SECISBP2L: variants seen among roughly 807,000 people sequenced by gnomAD.
SECISBP2L encodes the protein SECIS binding protein 2 like.
Under a neutral mutation model 114.7 loss-of-function variants are expected in SECISBP2L, and 43 were observed. That is an observed-to-expected ratio of 0.38 (90% CI 0.29 to 0.48). The LOEUF is 0.48. Ranked by LOEUF, SECISBP2L falls within the 20% of genes least tolerant of loss-of-function variation. SECISBP2L has a pLI of 0.98. For missense variants in SECISBP2L, 1,136 were observed against 1,301.1 expected, an observed-to-expected ratio of 0.87 and a Z score of 1.95; for synonymous variants, 451 against 439.7, an observed-to-expected ratio of 1.03 and a Z score of -0.32.
intron 11 of SECISBP2L, 22 bp downstream of exon 11, chr15:49,016,538 T>C (rs1469833537): frequency 3.8e-6 from 6 of 1,567,604 alleles, no homozygotes; most frequent in South Asian, 1.2e-5. Context: ...AAACAGCAAA[T>C]TGCTCAGACT....
In SECISBP2L at chr15:49,016,614, G is replaced by T; in HGVS notation, c.1507C>A (p.Gln503Lys). The change falls in exon 11 of 18, where the codon CAG becomes AAG. Residue 503 changes from glutamine to lysine, a missense_variant. Gln to Lys is a moderately conservative substitution (Grantham distance 53, BLOSUM62 1). Around this residue, in one of 2 missense-constraint regions of SECISBP2L, gnomAD observed 684 missense variants for 848.7 expected, o/e 0.81. Transcript: ENST00000559471. ...ATTTGCCGTGCTTTCATTGCTTGCT[G>T]TTGTTTTTCCAGAGCAGCTAACATG... ...GDMLAALEKQ[Q>K]QAMKARQITN... The T allele has an allele frequency of 6.2e-7, 1 of 1,610,504 alleles. No individual in the cohort carries two copies. Among genetic ancestry groups the T allele is most frequent in the African/African-American group, 1.3e-5 (1 of 74,990 alleles).
At chr15:48,993,349 G>C (rs552934326) in intron 17 of SECISBP2L, among the ~76,000 whole-genome samples, 4 of 152,250 alleles carry the variant, frequency 2.6e-5, no homozygotes, top group African/African-American at 9.6e-5. Flanking sequence ...TAAAGAAACA[G>C]GGAGGTAAAA....
chr15:49,043,608 G>GTT (rs5812473), intron 1 of SECISBP2L, among the ~76,000 whole-genome samples: 35,996 of 143,682 alleles, frequency 0.25, 4,758 homozygotes, highest in South Asian at 0.37. Context: ...CAAAATGCAA[G>GTT]TTTTTTTTTT....
In SECISBP2L at chr15:49,046,319, G is replaced by C; in HGVS notation, c.-20C>G. On this transcript the variant is annotated 5_prime_UTR_variant, in exon 1 of 18. Transcript: ENST00000559471. ...GTCCATGGTGCCTGCAGCCGCAACG[G>C]GCCCGCGCTAGTCGGTGTAAACAGC... The C allele has an allele frequency of 1.3e-6, 2 of 1,540,336 alleles. No homozygotes were observed. The highest frequency in any genetic ancestry group is 1.2e-5 in the South Asian group (1 of 83,402).
chr15:49,041,341 A>C (rs1370882487), intron 1 of SECISBP2L, among the ~76,000 whole-genome samples: 2 of 152,226 alleles, frequency 1.3e-5, no homozygotes, highest in Non-Finnish European at 2.9e-5. Flanking sequence ...ATTAAGGCAA[A>C]TGTCTATAAA....
chr15:49,032,473 C>G (rs776103291), intron 4 of SECISBP2L, among the ~76,000 whole-genome samples: 1 of 152,104 alleles, frequency 6.6e-6, no homozygotes, highest in Non-Finnish European at 1.5e-5. Context: ...TGATATTTGA[C>G]TAGTTCAAAA....
In SECISBP2L at chr15:49,017,559, A is replaced by G. The variant is rs564215200; in HGVS notation, c.1240T>C (p.Ser414Pro). 1.3e-5 allele frequency: 20 copies of G among 1,599,064 alleles called. No individual in the cohort carries two copies. In the South Asian group the frequency reaches 2.1e-4, roughly 17 times the overall value. Residue 414 changes from serine to proline, a missense_variant, in exon 9 of 18, where the codon TCT (serine) becomes CCT (proline). This residue lies in a region of SECISBP2L where 684 missense variants were observed against 848.7 expected (regional missense o/e 0.81). Coordinates refer to ENST00000559471, the MANE Select transcript of SECISBP2L (RefSeq NM_001193489.2). Reference sequence around the variant, plus strand: ...AAAGAGTTACTTACTACTTTAGAAGAAAGTTTTTGTTGAATATTCTCATCC... The same window carrying G: ...AAAGAGTTACTTACTACTTTAGAAGGAAGTTTTTGTTGAATATTCTCATCC... ...AKDENIQQKL[S>P]SKVLDDLPEN... is the part of the protein sequence containing the mutation.
At position 49,034,669 on chromosome 15, in the gene SECISBP2L, G is replaced by GTTTTTTTTTT. The variant is rs58267682; in HGVS notation, c.528+655_528+664dup. ...TTTGAAGATTGAAAGTATATCTTTT[G>GTTTTTTTTTT]TTTTTTTTTTTTTGAGACAGGGTGT... On this transcript the variant is annotated intron_variant, in intron 3 of 17. Coordinates refer to ENST00000559471, the MANE Select transcript of SECISBP2L (RefSeq NM_001193489.2). Among the ~76,000 whole-genome samples the GTTTTTTTTTT allele has an allele frequency of 2.0e-4, 27 of 132,126 alleles. 3 individuals carry two copies. Among genetic ancestry groups the GTTTTTTTTTT allele is most frequent in the Non-Finnish European group, 3.0e-4 (19 of 63,372 alleles). The allele number at this position is 132,126 out of a possible 152,430, so 86.7% of individuals were successfully genotyped here. A position where few individuals can be genotyped will look rare whatever the true frequency, so the allele number is the denominator to read the frequency against.
rs1468641563 is a variant in SECISBP2L at position 48,989,264 on chromosome 15, T to C, written c.*2980A>G. ...ATGAGTGTAGCATTCACTACTCATT[T>C]GCACATTTCAATTCCCACCCCTCCC... On this transcript the variant is annotated 3_prime_UTR_variant, in exon 18 of 18. Coordinates refer to ENST00000559471, the MANE Select transcript of SECISBP2L (RefSeq NM_001193489.2). The C allele has an allele frequency of 6.6e-6, 1 of 152,560 alleles. No individual in the cohort carries two copies. Among genetic ancestry groups the C allele is most frequent in the African/African-American group, 2.4e-5 (1 of 41,454 alleles). 9.5% of individuals were successfully genotyped at this position (152,560 alleles called of 1,614,324 possible). A position where few individuals can be genotyped will look rare whatever the true frequency, so the allele number is the denominator to read the frequency against.
chr15:49,027,057 T>C (rs919936087), intron 7 of SECISBP2L, among the ~76,000 whole-genome samples: 1 of 152,198 alleles, frequency 6.6e-6, no homozygotes, highest in African/African-American at 2.4e-5. Context: ...AAGCACAAAA[T>C]GCTTTTGAAT....
rs768474275 is a variant in SECISBP2L at position 49,009,367 on chromosome 15, T to C, written c.1876A>G (p.Ser626Gly). ...GAGAGTGAAGTATCACTGGGCATGC[T>C]TAGTCCAGTATCTGTGGAGATGTGG... ...EIVSQEDTGL[S>G]MPSDTSLSPA... Residue 626 changes from serine to glycine, a missense_variant, in exon 14 of 18, where the codon AGC becomes GGC. Ser to Gly is a moderately conservative substitution (Grantham distance 56). Around this residue, in one of 2 missense-constraint regions of SECISBP2L, gnomAD observed 684 missense variants for 848.7 expected, o/e 0.81. Coordinates refer to ENST00000559471, the MANE Select transcript of SECISBP2L (RefSeq NM_001193489.2). 30 of 1,613,652 alleles carry C rather than the reference T, an allele frequency of 1.9e-5. No individual in the cohort carries two copies. Among genetic ancestry groups the C allele is most frequent in the Non-Finnish European group, 1.8e-5 (21 of 1,179,874 alleles).
In SECISBP2L at chr15:48,992,615, T is replaced by C. The variant is rs1348861588; in HGVS notation, c.2935A>G (p.Thr979Ala). The change falls in exon 18 of 18, where the codon ACC becomes GCC. Residue 979 changes from threonine (T) to alanine (A), a missense_variant. Physicochemically the swap from Thr to Ala is moderately conservative, Grantham distance 58. Transcript: ENST00000559471. ...ATGCCAGGTACAAGAGTGCTGGTGGTGCTGGTGATGGAGGAATTCAAAAGA... is the reference window on the plus strand; with the variant it reads ...ATGCCAGGTACAAGAGTGCTGGTGGCGCTGGTGATGGAGGAATTCAAAAGA... ...RDLLNSSITS[T>A]TSTLVPGMLE... The C allele has an allele frequency of 6.2e-7, 1 of 1,614,034 alleles. No individual in the cohort carries two copies. The highest frequency in any genetic ancestry group is 8.5e-7 in the Non-Finnish European group (1 of 1,180,056).
At chr15:49,001,195 G>C in intron 14 of SECISBP2L, 98 bp from the exon 15 acceptor site, 5 of 747,190 alleles carry the variant, frequency 6.7e-6, no homozygotes, top group Non-Finnish European at 1.0e-5. Context: ...AAATATATAT[G>C]GTAAGAAGTT....
intron 6 of SECISBP2L, 126 bp from the exon 7 acceptor site, chr15:49,027,606 TATTA>T (rs1456949097): frequency 2.3e-4 from 96 of 426,414 alleles, no homozygotes; most frequent in Non-Finnish European, 2.7e-4. Flanking sequence ...CTATAAACCT[TATTA>T]TTTTTTTTTT....
intron 16 of SECISBP2L, among the ~76,000 whole-genome samples, chr15:48,999,488 A>G (rs936617005): frequency 3.9e-5 from 6 of 152,206 alleles, no homozygotes; most frequent in Non-Finnish European, 8.8e-5. Context: ...AGCACAAAAT[A>G]TACCCATCTA....
At chr15:49,008,488 T>C (rs1902368049) in intron 14 of SECISBP2L, among the ~76,000 whole-genome samples, 1 of 152,222 alleles carries the variant, frequency 6.6e-6, no homozygotes, top group South Asian at 2.1e-4. Context: ...AAGTGTTTCA[T>C]TTGCTCCACA....
Position 48,991,695 on chromosome 15 carries a change from T to C in SECISBP2L, c.*549A>G, listed in dbSNP as rs747926859. ...TTAGCCCATCCCAACACTAATTAAT[T>C]ACAATAATCAGTGACTTCTGACTAA... is the stretch of plus-strand genomic sequence containing the variant. On this transcript the variant is annotated 3_prime_UTR_variant, in exon 18 of 18. Coordinates refer to ENST00000559471, the MANE Select transcript of SECISBP2L (RefSeq NM_001193489.2). 6.6e-6 allele frequency: 1 copy of C among 152,558 alleles called. No individual in the cohort carries two copies. The highest frequency in any genetic ancestry group is 2.4e-5 in the African/African-American group (1 of 41,464). The allele number at this position is 152,558 out of a possible 1,614,324, so 9.5% of individuals were successfully genotyped here. A position where few individuals can be genotyped will look rare whatever the true frequency, so the allele number is the denominator to read the frequency against.
intron 4 of SECISBP2L, among the ~76,000 whole-genome samples, chr15:49,031,388 C>T (rs563008854): frequency 6.6e-6 from 1 of 152,116 alleles, no homozygotes; most frequent in African/African-American, 2.4e-5. Flanking sequence ...CATATGTCTT[C>T]TCTAAGATTT....
At position 49,011,728 on chromosome 15, in the gene SECISBP2L, T is replaced by C. The variant is rs1157662592; in HGVS notation, c.1864+3A>G. 3 of 1,613,922 alleles carry C rather than the reference T, an allele frequency of 1.9e-6. No homozygotes were observed. The highest frequency in any genetic ancestry group is 2.5e-6 in the Non-Finnish European group (3 of 1,179,868). ...AGAAGAGGAGAAAGGGGGAGCTCCTTACCTTCCTGGGAAACAATCTCCTGT... is the reference window on the plus strand; with the variant it reads ...AGAAGAGGAGAAAGGGGGAGCTCCTCACCTTCCTGGGAAACAATCTCCTGT... On this transcript the variant is annotated splice_donor_region_variant and intron_variant, in intron 13 of 17. Coordinates refer to ENST00000559471, the MANE Select transcript of SECISBP2L (RefSeq NM_001193489.2).
Sources: allele counts gnomAD v4.1 joint callset (sites outside exome capture counted in the v4.1 genomes callset), GRCh38; gene constraint gnomAD v4.1.1; regional missense constraint gnomAD v4.1.1; transcripts MANE v1.5; gene names NCBI Gene and HGNC (gene_info 2026-07-23, HGNC 2026-07-21).